The following CUBN variants were observed in gnomAD, a reference collection of about 807,000 sequenced individuals.
CUBN encodes the protein 460 kDa receptor.
A neutral mutation model predicts 405.3 loss-of-function variants in CUBN; 282 were observed. The observed-to-expected ratio is 0.70, with a 90% CI of 0.63 to 0.77. The LOEUF is 0.77. Ranked by LOEUF, CUBN falls within the 30% of genes least tolerant of loss-of-function variation. The probability of loss-of-function intolerance (pLI) is 0.00; values close to 1 mark genes in which losing one functional copy is unlikely to be tolerated. For synonymous variants in CUBN, 1,684 were observed against 1,617.0 expected, an observed-to-expected ratio of 1.04 and a Z score of -0.99; for missense variants, 4,514 against 4,475.2, an observed-to-expected ratio of 1.01 and a Z score of -0.25.
In CUBN at chr10:16,824,050, G is replaced by C. The variant is rs919785760; in HGVS notation, c.*925C>G. On this transcript the variant is annotated 3_prime_UTR_variant, in exon 67 of 67. Coordinates refer to ENST00000377833, the MANE Select transcript of CUBN (RefSeq NM_001081.4). ...TTCTATATTATCATTAACTTTTGTT[G>C]TTCTTGTTGTCATTTTTGAGATAGG... The C allele has an allele frequency of 5.3e-5, 8 of 152,064 alleles. No individual in the cohort carries two copies. Among genetic ancestry groups the C allele is most frequent in the Non-Finnish European group, 8.8e-5 (6 of 68,008 alleles). The allele number at this position is 152,064 out of a possible 1,614,324, so 9.4% of individuals were successfully genotyped here.
chr10:16,967,989 A>AAAAG (rs1212998860), intron 31 of CUBN, among the ~76,000 whole-genome samples: 1 of 104,220 alleles, frequency 9.6e-6, no homozygotes, highest in African/African-American at 3.8e-5. Context: ...GAGAGAGAGG[A>AAAAG]AAAGAGAGAG....
intron 10 of CUBN, among the ~76,000 whole-genome samples, chr10:17,108,428 C>A (rs993345181): frequency 6.6e-6 from 1 of 151,248 alleles, no homozygotes; most frequent in East Asian, 1.9e-4. Flanking sequence ...CATATATGTT[C>A]TTTTCTATAT....
intron 60 of CUBN, among the ~76,000 whole-genome samples, chr10:16,846,025 TA>T (rs11408135): frequency 1.2e-3 from 178 of 151,930 alleles, no homozygotes; most frequent in African/African-American, 4.1e-3. Context: ...GACATTTGTG[TA>T]AAAAAAAACT....
chr10:16,835,888 GTAAA>G (rs997874322), intron 63 of CUBN, among the ~76,000 whole-genome samples: 15 of 152,034 alleles, frequency 9.9e-5, no homozygotes, highest in Admixed American at 3.9e-4. Context: ...TAAAGCTTTT[GTAAA>G]TAAACATATA....
chr10:17,025,293 AG>A (rs1834628988), intron 27 of CUBN, among the ~76,000 whole-genome samples: 2 of 152,232 alleles, frequency 1.3e-5, no homozygotes, highest in Non-Finnish European at 2.9e-5. Flanking sequence ...CACTAATAGA[AG>A]ATTATATTTC....
chr10:16,845,986 G>A (rs560669461), intron 60 of CUBN, among the ~76,000 whole-genome samples: 2 of 152,218 alleles, frequency 1.3e-5, no homozygotes, highest in Admixed American at 6.5e-5. Context: ...GAAGATTTTT[G>A]TCCCACATAA....
At chr10:17,063,755 A>G (rs953988517) in intron 22 of CUBN, among the ~76,000 whole-genome samples, 8 of 152,198 alleles carry the variant, frequency 5.3e-5, no homozygotes, top group Non-Finnish European at 7.3e-5. Flanking sequence ...CATTTTCAGG[A>G]GGCCCTGCCT....
intron 27 of CUBN, among the ~76,000 whole-genome samples, chr10:17,036,120 G>A (rs1834892060): frequency 6.6e-6 from 1 of 152,148 alleles, no homozygotes; most frequent in African/African-American, 2.4e-5. Flanking sequence ...CGGCTAGAGG[G>A]CTTGGCTACA....
intron 27 of CUBN, among the ~76,000 whole-genome samples, chr10:17,026,617 G>A (rs998209448): frequency 4.8e-5 from 7 of 146,124 alleles, no homozygotes; most frequent in Non-Finnish European, 1.0e-4. Flanking sequence ...CTGGGAAACA[G>A]AGCAAGATTC....
intron 28 of CUBN, among the ~76,000 whole-genome samples, chr10:17,004,076 A>G (rs1018857212): frequency 1.3e-5 from 2 of 152,128 alleles, no homozygotes; most frequent in African/African-American, 4.8e-5. Flanking sequence ...TTCTTGGCTC[A>G]TGCTTATCCA....
rs948521767 is a variant in CUBN, at chr10:17,114,058, T to G, written c.852A>C (p.Gln284His). The G allele has an allele frequency of 1.9e-6, 3 of 1,613,076 alleles. No individual in the cohort carries two copies. The highest frequency in any genetic ancestry group is 1.7e-5 in the Admixed American group (1 of 59,900). ...GACAGGCCCCACAGTAGAAAGAGCC[T>G]TGAGTGTTGAAACACTGCACAAGTG... The part of the protein sequence containing the change: ...CSTLVQCFNT[Q>H]GSFYCGACPT... The change falls in exon 8 of 67, where the codon CAA becomes CAC. Residue 284 changes from glutamine to histidine, a missense_variant. Physicochemically the swap from Gln to His is conservative, Grantham distance 24. Coordinates refer to ENST00000377833, the MANE Select transcript of CUBN (RefSeq NM_001081.4).
At chr10:16,843,028 T>C (rs1328882439) in intron 60 of CUBN, among the ~76,000 whole-genome samples, 1 of 152,204 alleles carries the variant, frequency 6.6e-6, no homozygotes, top group African/African-American at 2.4e-5. Flanking sequence ...CCTGTTTTAT[T>C]TTCCTATTAT....
chr10:17,118,415 C>T (rs749870907), intron 6 of CUBN, among the ~76,000 whole-genome samples: 1 of 152,138 alleles, frequency 6.6e-6, no homozygotes, highest in East Asian at 1.9e-4. Context: ...TATGAAGATG[C>T]TGCATTTTTA....
chr10:17,112,436 G>GA (rs1836792371), intron 8 of CUBN, among the ~76,000 whole-genome samples: 1 of 151,678 alleles, frequency 6.6e-6, no homozygotes, highest in African/African-American at 2.4e-5. Context: ...TATATTTCAG[G>GA]AAAAATAGGG....
At chr10:16,911,389 G>A (rs1342683800) in intron 48 of CUBN, among the ~76,000 whole-genome samples, 3 of 152,184 alleles carry the variant, frequency 2.0e-5, no homozygotes, top group African/African-American at 7.2e-5. Flanking sequence ...CATACCCCAT[G>A]TGTGTTTGTG....
chr10:16,888,722 T>C (rs1840897387), intron 55 of CUBN, among the ~76,000 whole-genome samples, 156 bp from the exon 56 acceptor site: 1 of 152,248 alleles, frequency 6.6e-6, no homozygotes, highest in African/African-American at 2.4e-5. Context: ...AAAGCTCTGA[T>C]TTAAAAACAT....
chr10:17,015,495 C>T (rs1233005691), intron 28 of CUBN, among the ~76,000 whole-genome samples: 1 of 152,194 alleles, frequency 6.6e-6, no homozygotes, highest in Non-Finnish European at 1.5e-5. Context: ...CAGGATGTCC[C>T]AGGATTCCTT....
At chr10:16,985,384 A>T (rs1227769869) in intron 29 of CUBN, among the ~76,000 whole-genome samples, 1 of 152,134 alleles carries the variant, frequency 6.6e-6, no homozygotes, top group African/African-American at 2.4e-5. Context: ...TATGGGGAAG[A>T]TCATCTTCAC....
At chr10:17,082,596 C>T (rs1232053629) in intron 17 of CUBN, among the ~76,000 whole-genome samples, 1 of 152,140 alleles carries the variant, frequency 6.6e-6, no homozygotes, top group African/African-American at 2.4e-5. Context: ...TACATTCTTG[C>T]GTATCTGAGA....
Sources: gnomAD v4.1 joint callset for allele counts (sites outside exome capture counted in the v4.1 genomes callset) on GRCh38, gnomAD v4.1.1 for gene constraint, MANE v1.5 for transcripts, NCBI Gene and HGNC (gene_info 2026-07-23, HGNC 2026-07-21) for gene names.